APBB2: variants seen among roughly 807,000 people sequenced by gnomAD.
APBB2 encodes amyloid beta precursor protein binding family B member 2, also known as Fe65-like 1.
APBB2 carries 38 observed loss-of-function variants against 82.5 expected under a neutral mutation model. That is an observed-to-expected ratio of 0.46 (90% confidence interval 0.36 to 0.60). The LOEUF is 0.60. Ranked by LOEUF, APBB2 falls within the 20% of genes least tolerant of loss-of-function variation. The pLI is 0.00. For missense variants in APBB2, 772 were observed against 972.3 expected, an observed-to-expected ratio of 0.79 and a Z score of 2.74; for synonymous variants, 341 against 368.2, an observed-to-expected ratio of 0.93 and a Z score of 0.85.
chr4:40,996,606 T>C (rs1278612928), intron 6 of APBB2, among the ~76,000 whole-genome samples: 1 of 152,192 alleles, frequency 6.6e-6, no homozygotes, highest in Non-Finnish European at 1.5e-5. Flanking sequence ...CTCCAACAAT[T>C]AGCTCCTCCT....
intron 4 of APBB2, among the ~76,000 whole-genome samples, chr4:41,039,629 C>A (rs1720573532): frequency 3.9e-5 from 6 of 152,122 alleles, no homozygotes; most frequent in Admixed American, 3.9e-4. Context: ...AAGGCCTAGG[C>A]AGGCGGATTG....
At chr4:40,923,914 G>A (rs540454195) in intron 10 of APBB2, among the ~76,000 whole-genome samples, 7 of 152,316 alleles carry the variant, frequency 4.6e-5, no homozygotes, top group Non-Finnish European at 7.4e-5. Flanking sequence ...ATGCTTGGCC[G>A]AGTTGGCAAA....
At chr4:40,960,648 C>T (rs539574484) in intron 6 of APBB2, among the ~76,000 whole-genome samples, 307 of 151,930 alleles carry the variant, frequency 2.0e-3, no homozygotes, top group Non-Finnish European at 3.6e-3. Context: ...GGGGTTTCAC[C>T]GAGTTAGCTA....
chr4:41,169,728 A>G (rs573660545), intron 1 of APBB2, among the ~76,000 whole-genome samples: 1 of 152,316 alleles, frequency 6.6e-6, no homozygotes, highest in South Asian at 2.1e-4. Flanking sequence ...CCAAACTGTA[A>G]TCATTTCAAC....
At chr4:41,069,562 G>C (rs1733123795) in intron 3 of APBB2, among the ~76,000 whole-genome samples, 3 of 152,224 alleles carry the variant, frequency 2.0e-5, no homozygotes, top group African/African-American at 7.2e-5. Flanking sequence ...TAGAACCAAT[G>C]CTATCTGCAC....
intron 2 of APBB2, among the ~76,000 whole-genome samples, chr4:41,125,187 G>T (rs770681950): frequency 3.9e-5 from 6 of 152,172 alleles, no homozygotes; most frequent in Non-Finnish European, 8.8e-5. Flanking sequence ...ATAGCCAAAA[G>T]CATGTTATTT....
At chr4:41,202,949 T>C (rs1356660285) in intron 1 of APBB2, among the ~76,000 whole-genome samples, 1 of 152,182 alleles carries the variant, frequency 6.6e-6, no homozygotes, top group Non-Finnish European at 1.5e-5. Flanking sequence ...ACTCCAAATG[T>C]GGCAGTCTAT....
chr4:41,113,520 T>A (rs564884927), intron 2 of APBB2, among the ~76,000 whole-genome samples: 1 of 152,042 alleles, frequency 6.6e-6, no homozygotes, highest in Non-Finnish European at 1.5e-5. Flanking sequence ...TAAAGAGTAT[T>A]CAAATAAAAA....
intron 6 of APBB2, among the ~76,000 whole-genome samples, chr4:40,966,465 G>A (rs182602346): frequency 1.9e-3 from 283 of 152,296 alleles, no homozygotes; most frequent in African/African-American, 6.4e-3. Flanking sequence ...AGGGAGGGGG[G>A]CACTACCCTC....
intron 6 of APBB2, among the ~76,000 whole-genome samples, chr4:40,960,673 T>A (rs1226962185): frequency 6.6e-6 from 1 of 152,074 alleles, no homozygotes. Flanking sequence ...GGTCTTGATC[T>A]CCTGACCTTG....
chr4:40,824,565 G>A (rs1271377802), intron 15 of APBB2, among the ~76,000 whole-genome samples: 1 of 152,150 alleles, frequency 6.6e-6, no homozygotes, highest in Non-Finnish European at 1.5e-5. Flanking sequence ...ACGGCTCACT[G>A]TAGCCTCAGC....
intron 4 of APBB2, among the ~76,000 whole-genome samples, chr4:41,050,479 G>A (rs1725533864): frequency 6.6e-6 from 1 of 152,220 alleles, no homozygotes; most frequent in African/African-American, 2.4e-5. Flanking sequence ...TTTTTCCAGA[G>A]GGTTTTAAGG....
At position 41,181,942 on chromosome 4, in the gene APBB2, CAAAAAAA is replaced by C. The variant is rs35142945; in HGVS notation, c.-417+32456_-417+32462del. On this transcript the variant is annotated intron_variant, in intron 1 of 17. Transcript: ENST00000508593. ...CTGGGCAACAAGAGTGAAACTGTCT[CAAAAAAA>C]AAAAAAAAAAAAGAAAAAGAAAAAA... Among the ~76,000 whole-genome samples the C allele has an allele frequency of 1.4e-4, 13 of 93,898 alleles. No homozygotes were observed. The East Asian group carries it at 3.2e-3, about 23-fold the overall frequency. 61.6% of individuals were successfully genotyped at this position (93,898 alleles called of 152,430 possible). A position where few individuals can be genotyped will look rare whatever the true frequency, so the allele number is the denominator to read the frequency against.
intron 12 of APBB2, among the ~76,000 whole-genome samples, chr4:40,862,922 C>T (rs1763122683): frequency 6.6e-6 from 1 of 151,824 alleles, no homozygotes; most frequent in Non-Finnish European, 1.5e-5. Context: ...AAACAGACTC[C>T]TCGCTTTTTT....
At chr4:41,071,703 T>A (rs768355721) in intron 3 of APBB2, among the ~76,000 whole-genome samples, 65 of 152,222 alleles carry the variant, frequency 4.3e-4, no homozygotes, top group African/African-American at 6.7e-4. Flanking sequence ...TAAAATTTTT[T>A]AAAAAAAATC....
intron 6 of APBB2, among the ~76,000 whole-genome samples, chr4:40,995,666 C>A (rs542601944): frequency 2.0e-5 from 3 of 151,692 alleles, no homozygotes; most frequent in Non-Finnish European, 4.4e-5. Context: ...CAGCCTCCTA[C>A]GTAGCTGACG....
In APBB2 at chr4:41,027,364, C is replaced by CACATAT. The variant is rs1231769191; in HGVS notation, c.19+5871_19+5872insATATGT. Among the ~76,000 whole-genome samples the CACATAT allele has an allele frequency of 3.1e-5, 4 of 127,454 alleles. 1 individual carries two copies. Among genetic ancestry groups the CACATAT allele is most frequent in the African/African-American group, 1.2e-4 (4 of 34,062 alleles). 83.6% of individuals were successfully genotyped at this position (127,454 alleles called of 152,430 possible). ...TTATATTTTTATAAACATATTGTTA[C>CACATAT]ATATATATATATATATATATATATA... is the stretch of plus-strand genomic sequence containing the variant. On this transcript the variant is annotated intron_variant, in intron 5 of 17. Coordinates refer to ENST00000508593, the MANE Select transcript of APBB2 (RefSeq NM_004307.2).
chr4:40,857,159 G>A (rs1015249495), intron 12 of APBB2: 384 of 985,444 alleles, frequency 3.9e-4, no homozygotes, highest in Non-Finnish European at 4.5e-4. Flanking sequence ...TCAAGTTGAA[G>A]AGAGCGGCGC....
Position 41,033,294 on chromosome 4 carries a change from TAATTTGAA to T in APBB2, c.-48_-41del, listed in dbSNP as rs778426045. ...CAGCAATGGTGCAGGAAATAGGTTATAATTTGAAATCTAAAAAGAAGGGATCATTTGAG... is the reference window on the plus strand; with the variant it reads ...CAGCAATGGTGCAGGAAATAGGTTATATCTAAAAAGAAGGGATCATTTGAG... On this transcript the variant is annotated splice_region_variant and 5_prime_UTR_variant, in exon 5 of 18. An upstream open reading frame in the 5' UTR loses its in-frame stop. Coordinates refer to ENST00000508593, the MANE Select transcript of APBB2 (RefSeq NM_004307.2). The T allele has an allele frequency of 1.3e-6, 2 of 1,577,098 alleles. No individual in the cohort carries two copies. The highest frequency in any genetic ancestry group is 1.9e-5 in the Admixed American group (1 of 53,768).
Sources: gnomAD v4.1 joint callset for allele counts (sites outside exome capture counted in the v4.1 genomes callset) on GRCh38, gnomAD v4.1.1 for gene constraint, MANE v1.5 for transcripts, NCBI Gene and HGNC (gene_info 2026-07-23, HGNC 2026-07-21) for gene names.